The following ADARB2 variants were observed in gnomAD, a reference collection of about 807,000 sequenced individuals.
The protein encoded by ADARB2 is inactive double-stranded RNA-specific editase B2.
Under a neutral mutation model 62.2 loss-of-function variants are expected in ADARB2, and 25 were observed. The observed-to-expected ratio is 0.40, with a 90% CI of 0.29 to 0.56. The LOEUF (loss-of-function observed/expected upper bound fraction) is 0.56. Ranked by LOEUF, ADARB2 falls within the 20% of genes least tolerant of loss-of-function variation. The pLI is 0.43. For synonymous variants in ADARB2, 572 were observed against 500.8 expected, an observed-to-expected ratio of 1.14 and a Z score of -1.90; for missense variants, 1,071 against 1,077.4, an observed-to-expected ratio of 0.99 and a Z score of 0.08.
At chr10:1,194,684 A>G (rs1374647625) in intron 8 of ADARB2, among the ~76,000 whole-genome samples, 1 of 152,134 alleles carries the variant, frequency 6.6e-6, no homozygotes, top group Non-Finnish European at 1.5e-5. Flanking sequence ...GTATTGAACC[A>G]TCCTCTGTTA....
intron 3 of ADARB2, among the ~76,000 whole-genome samples, chr10:1,343,573 G>T (rs1219713781): frequency 6.6e-6 from 1 of 152,188 alleles, no homozygotes; most frequent in Non-Finnish European, 1.5e-5. Flanking sequence ...ACAGGCACGC[G>T]CATGTCCATC....
intron 3 of ADARB2, among the ~76,000 whole-genome samples, chr10:1,352,659 G>A (rs12767231): frequency 6.6e-6 from 1 of 152,190 alleles, no homozygotes; most frequent in Non-Finnish European, 1.5e-5. Flanking sequence ...ATTCTCTGCA[G>A]TTCTCATAAC....
chr10:1,581,610 A>T (rs1833100191), intron 1 of ADARB2, among the ~76,000 whole-genome samples: 2 of 152,192 alleles, frequency 1.3e-5, no homozygotes, highest in African/African-American at 2.4e-5. Context: ...TACTCACCTC[A>T]TGGATAATTT....
chr10:1,567,955 T>C (rs923756502), intron 1 of ADARB2, among the ~76,000 whole-genome samples: 2 of 152,214 alleles, frequency 1.3e-5, no homozygotes, highest in Non-Finnish European at 2.9e-5. Context: ...ACACCGTTGA[T>C]GGCACGGCAT....
At chr10:1,725,204 C>A (rs2119038576) in intron 1 of ADARB2, among the ~76,000 whole-genome samples, 1 of 152,288 alleles carries the variant, frequency 6.6e-6, no homozygotes, top group Admixed American at 6.5e-5. Flanking sequence ...TAGATACATC[C>A]AATCTCATGA....
intron 1 of ADARB2, among the ~76,000 whole-genome samples, chr10:1,555,461 G>A (rs1463228548): frequency 6.6e-6 from 1 of 152,126 alleles, no homozygotes; most frequent in Non-Finnish European, 1.5e-5. Flanking sequence ...GAGAAGTGGG[G>A]GCTAATGAAG....
chr10:1,244,717 G>C (rs533348985), intron 4 of ADARB2, among the ~76,000 whole-genome samples: 14 of 152,316 alleles, frequency 9.2e-5, no homozygotes, highest in African/African-American at 3.4e-4. Context: ...CGGAAGTGCT[G>C]TACATGGAAT....
At chr10:1,715,504 C>T (rs1452887103) in intron 1 of ADARB2, among the ~76,000 whole-genome samples, 7 of 152,062 alleles carry the variant, frequency 4.6e-5, no homozygotes, top group African/African-American at 1.7e-4. Context: ...AAATTGACCC[C>T]CAAATCTAGG....
intron 6 of ADARB2, among the ~76,000 whole-genome samples, chr10:1,233,387 G>T (rs921835471): frequency 2.6e-5 from 4 of 152,170 alleles, no homozygotes; most frequent in Admixed American, 2.0e-4. Flanking sequence ...ACTCTCACTG[G>T]CCTTCCCTTC....
chr10:1,444,110 C>G (rs1362624975), intron 1 of ADARB2, among the ~76,000 whole-genome samples: 3 of 151,474 alleles, frequency 2.0e-5, no homozygotes, highest in African/African-American at 7.3e-5. Flanking sequence ...TTCTATCCAT[C>G]TATTCATCCA....
At chr10:1,653,018 G>A (rs1834130219) in intron 1 of ADARB2, among the ~76,000 whole-genome samples, 1 of 152,194 alleles carries the variant, frequency 6.6e-6, no homozygotes, top group Admixed American at 6.5e-5. Context: ...GGATCCTGAT[G>A]ACAACCATCT....
chr10:1,601,266 C>A (rs915136827), intron 1 of ADARB2, among the ~76,000 whole-genome samples: 1 of 152,162 alleles, frequency 6.6e-6, no homozygotes, highest in Non-Finnish European at 1.5e-5. Flanking sequence ...GGAGCCCAGG[C>A]GTCAATGACC....
intron 6 of ADARB2, among the ~76,000 whole-genome samples, chr10:1,224,588 C>T (rs1377902130): frequency 5.9e-5 from 9 of 152,134 alleles, no homozygotes; most frequent in South Asian, 2.1e-4. Flanking sequence ...CCTCTACACA[C>T]TGCTTCGAAT....
chr10:1,400,191 C>T (rs1832649820), intron 1 of ADARB2, among the ~76,000 whole-genome samples: 1 of 152,120 alleles, frequency 6.6e-6, no homozygotes, highest in African/African-American at 2.4e-5. Context: ...CTGCAGCTGT[C>T]CTGCGTCTGT....
chr10:1,532,968 G>T (rs1034509167), intron 1 of ADARB2, among the ~76,000 whole-genome samples: 2 of 152,186 alleles, frequency 1.3e-5, no homozygotes, highest in Non-Finnish European at 2.9e-5. Context: ...CTGAAATGAA[G>T]GGGAGGAACC....
chr10:1,347,673 G>A (rs1403882772), intron 3 of ADARB2, among the ~76,000 whole-genome samples: 2 of 152,182 alleles, frequency 1.3e-5, no homozygotes, highest in African/African-American at 2.4e-5. Context: ...GACCACGGGT[G>A]CCTCGACCCG....
intron 6 of ADARB2, among the ~76,000 whole-genome samples, chr10:1,217,640 C>G (rs1168281965): frequency 6.6e-6 from 1 of 152,166 alleles, no homozygotes; most frequent in African/African-American, 2.4e-5. Flanking sequence ...AGGTGTCAGT[C>G]CCGGCTCCAT....
At chr10:1,309,355 C>T (rs558586107) in intron 3 of ADARB2, among the ~76,000 whole-genome samples, 2 of 152,290 alleles carry the variant, frequency 1.3e-5, no homozygotes, top group East Asian at 1.9e-4. Context: ...TCCTCCATGC[C>T]GACTGTGGCC....
In ADARB2 at chr10:1,199,958, G is replaced by T. The variant is rs776530087; in HGVS notation, c.1864+8C>A. On this transcript the variant is annotated splice_region_variant and intron_variant, in intron 8 of 9. Coordinates refer to ENST00000381312, the MANE Select transcript of ADARB2 (RefSeq NM_018702.4). The stretch of plus-strand genomic sequence containing the variant: ...GAGGTGGAGGGCCCCCGGGAAGGGG[G>T]TTCTTACCGCTGAGGAGAGGCCGGT... The T allele has an allele frequency of 5.2e-6, 8 of 1,526,340 alleles. No individual in the cohort carries two copies. The Admixed American group carries it at 5.5e-5, about 11-fold the overall frequency. 94.5% of individuals were successfully genotyped at this position (1,526,340 alleles called of 1,614,324 possible).
Sources: allele counts gnomAD v4.1 joint callset (sites outside exome capture counted in the v4.1 genomes callset), GRCh38; gene constraint gnomAD v4.1.1; transcripts MANE v1.5; gene names NCBI Gene and HGNC (gene_info 2026-07-23, HGNC 2026-07-21).